KCP: variants seen among roughly 807,000 people sequenced by gnomAD.
KCP encodes kielin cysteine rich BMP regulator.
Under a neutral mutation model 212.7 loss-of-function variants are expected in KCP, and 194 were observed. That is an observed-to-expected ratio of 0.91 (90% CI 0.81 to 1.03). The LOEUF (loss-of-function observed/expected upper bound fraction) is 1.03, where lower values mean the gene tolerates loss of function less well. Among genes scored for constraint, KCP ranks in the 50% least tolerant of loss-of-function variants. KCP has a pLI of 0.00. For synonymous variants in KCP, 833 were observed against 865.3 expected (o/e 0.96, Z 0.65); for missense variants, 2,080 against 2,162.5 (o/e 0.96, Z 0.76).
intron 1 of KCP, among the ~76,000 whole-genome samples, chr7:128,910,278 C>T (rs1795362755): frequency 6.6e-6 from 1 of 152,234 alleles, no homozygotes. Flanking sequence ...GCAAAGTCAG[C>T]TTCCACAGCG....
Position 128,887,209 on chromosome 7 carries a change from C to T in KCP, c.2598+6G>A, listed in dbSNP as rs1793707992. ...GGTTACCAAGGTCCTAAAGGGGCTG[C>T]CTCACCTGGCAGGTGCAGAGGGAGC... On this transcript the variant is annotated splice_donor_region_variant and intron_variant, in intron 23 of 39. Coordinates refer to ENST00000610776, the MANE Select transcript of KCP (RefSeq NM_001366122.1). The T allele has an allele frequency of 1.3e-6, 2 of 1,551,130 alleles. No individual in the cohort carries two copies. The highest frequency in any genetic ancestry group is 1.2e-5 in the South Asian group (1 of 84,064).
At chr7:128,885,346 G>A in intron 26 of KCP, 76 bp from the exon 27 acceptor site, 1 of 1,434,944 alleles carries the variant, frequency 7.0e-7, no homozygotes, top group African/African-American at 1.4e-5. Flanking sequence ...ACCCTCAGTG[G>A]TCAGCTAGGC....
intron 8 of KCP, 28 bp downstream of exon 8, chr7:128,902,749 A>G (rs1397300912): frequency 1.3e-6 from 2 of 1,540,940 alleles, no homozygotes; most frequent in African/African-American, 2.7e-5. Flanking sequence ...AGGGAGGGGG[A>G]CAGACCAGGA....
In KCP at chr7:128,892,611, C is replaced by T. The variant is rs376310535; in HGVS notation, c.1528-4G>A. On this transcript the variant is annotated splice_region_variant and splice_polypyrimidine_tract_variant and intron_variant, in intron 15 of 39. Coordinates refer to ENST00000610776, the MANE Select transcript of KCP (RefSeq NM_001366122.1). Reference sequence around the variant, plus strand: ...AGGAGCATGTCACAGTTCCATCCTGCGAGAGAGCAGGGGAGAGAGCAATCG... The same window carrying T: ...AGGAGCATGTCACAGTTCCATCCTGTGAGAGAGCAGGGGAGAGAGCAATCG... 679 of 1,550,802 alleles carry T rather than the reference C, an allele frequency of 4.4e-4. 2 individuals carry two copies. In the African/African-American group the frequency reaches 8.3e-3, roughly 19 times the overall value.
rs1794929553 is a variant in KCP at position 128,902,807 on chromosome 7, A to G, written c.801T>C (p.Pro267=). Residue 267 remains proline (P), a synonymous_variant, in exon 8 of 40, where the codon CCT becomes CCC. Coordinates refer to ENST00000610776, the MANE Select transcript of KCP (RefSeq NM_001366122.1). ...HWEHGQEWTT[P]GDPCRICRCL... The stretch of plus-strand genomic sequence containing the variant: ...ACCGGCAGATTCGGCAGGGGTCCCC[A>G]GGTGTTGTCCACTCTTGGCCATGTT... The G allele has an allele frequency of 6.4e-7, 1 of 1,551,538 alleles. No homozygotes were observed. Among genetic ancestry groups the G allele is most frequent in the Non-Finnish European group, 8.7e-7 (1 of 1,147,006 alleles).
intron 21 of KCP, among the ~76,000 whole-genome samples, chr7:128,889,772 C>T (rs1254316284): frequency 6.6e-6 from 1 of 152,096 alleles, no homozygotes; most frequent in East Asian, 1.9e-4. Flanking sequence ...TGGCCAAGAT[C>T]GCACAAGAGT....
chr7:128,892,559 C>A lies in KCP; in HGVS notation c.1576G>T (p.Ala526Ser), dbSNP rs1370115295. The A allele has an allele frequency of 1.2e-5, 19 of 1,549,430 alleles. No individual in the cohort carries two copies. The East Asian group carries it at 4.6e-4, about 38-fold the overall frequency. Residue 526 changes from alanine to serine, a missense_variant, in exon 16 of 40, where the codon GCC (alanine) becomes TCC (serine). By Grantham distance (99) the Ala-to-Ser change is moderately conservative. Coordinates refer to ENST00000610776, the MANE Select transcript of KCP (RefSeq NM_001366122.1). Reference sequence around the variant, plus strand: ...TGGCCTGGTCCACTCTGGGGCCTGGCACAGGTCGTGGGAGGGCAGTCAACC... The same window carrying A: ...TGGCCTGGTCCACTCTGGGGCCTGGAACAGGTCGTGGGAGGGCAGTCAACC... ...SLVDCPPTTC[A>S]RPQSGPGQCC...
At chr7:128,884,240 G>A in intron 28 of KCP, 118 bp from the exon 29 acceptor site, 1 of 1,294,256 alleles carries the variant, frequency 7.7e-7, no homozygotes, top group South Asian at 1.4e-5. Context: ...CATGTCTTGG[G>A]CCCTGAACTC....
rs752127313 is a variant in KCP, at chr7:128,904,257, G to GCAGGGCAGGA, written c.572-129_572-120dup. On this transcript the variant is annotated intron_variant, in intron 5 of 39. Coordinates refer to ENST00000610776, the MANE Select transcript of KCP (RefSeq NM_001366122.1). ...CCCTTGGGGTTGAAGGGATGGCGGGGCAGGGCAGGACAGGGCAGGAGGTCA... is the reference window on the plus strand; with the variant it reads ...CCCTTGGGGTTGAAGGGATGGCGGGGCAGGGCAGGACAGGGCAGGACAGGGCAGGAGGTCA... 1.0e-5 allele frequency: 16 copies of GCAGGGCAGGA among 1,544,840 alleles called. No individual in the cohort carries two copies. The East Asian group carries it at 1.2e-4, about 12-fold the overall frequency.
chr7:128,899,817 C>A (rs1794731723), intron 8 of KCP, among the ~76,000 whole-genome samples: 1 of 130,608 alleles, frequency 7.7e-6, no homozygotes, highest in Non-Finnish European at 1.5e-5. Context: ...AAGGCTTCGA[C>A]TGGAATGGCA....
At position 128,893,335 on chromosome 7, in the gene KCP, G is replaced by A; in HGVS notation, c.1186-16C>T. 6.4e-7 allele frequency: 1 copy of A among 1,551,562 alleles called. No individual in the cohort carries two copies. The highest frequency in any genetic ancestry group is 8.7e-7 in the Non-Finnish European group (1 of 1,146,890). On this transcript the variant is annotated splice_polypyrimidine_tract_variant and intron_variant, in intron 12 of 39. Transcript: ENST00000610776. ...CCTCGCCAGCCTAGGAGGGAAGCAGGTGAGACACCCTGAAGGAATGAGGCA... is the reference window on the plus strand; with the variant it reads ...CCTCGCCAGCCTAGGAGGGAAGCAGATGAGACACCCTGAAGGAATGAGGCA...
At chr7:128,881,557 G>A in intron 31 of KCP, 69 bp downstream of exon 31, 1 of 1,164,258 alleles carries the variant, frequency 8.6e-7, no homozygotes, top group South Asian at 1.8e-5. Flanking sequence ...CTTGGCCCAT[G>A]AATGCCTCCC....
intron 13 of KCP, 98 bp downstream of exon 13, chr7:128,893,140 C>T: frequency 7.8e-7 from 1 of 1,279,886 alleles, no homozygotes; most frequent in Non-Finnish European, 1.1e-6. Context: ...GGCTAGTGGA[C>T]TTAGCAACCC....
At chr7:128,878,475 C>T in intron 38 of KCP, 83 bp downstream of exon 38, 1 of 1,421,064 alleles carries the variant, frequency 7.0e-7, no homozygotes. Context: ...CCCTTCCCTG[C>T]TTTCCATGCC....
At chr7:128,887,617 CCACA>C (rs1036098438) in intron 22 of KCP, among the ~76,000 whole-genome samples, 2 of 147,772 alleles carry the variant, frequency 1.4e-5, no homozygotes, top group African/African-American at 5.0e-5. Context: ...CTACACCCCC[CCACA>C]CACAGCCACA....
intron 6 of KCP, 99 bp from the exon 7 acceptor site, chr7:128,903,919 G>A (rs2128950125): frequency 1.5e-6 from 2 of 1,368,666 alleles, no homozygotes; most frequent in Non-Finnish European, 2.0e-6. Flanking sequence ...GCACAGGGCA[G>A]GGATGGAGGG....
chr7:128,908,240 GAAGA>G (rs139059512), intron 2 of KCP, among the ~76,000 whole-genome samples, 182 bp downstream of exon 2: 885 of 70,812 alleles, frequency 0.012, 33 homozygotes, highest in Non-Finnish European at 0.019. Context: ...AAGAAGAAAG[GAAGA>G]AAGAAAGAAG....
intron 16 of KCP, 32 bp from the exon 17 acceptor site, chr7:128,891,851 G>A: frequency 7.1e-7 from 1 of 1,413,870 alleles, no homozygotes; most frequent in South Asian, 1.6e-5. Flanking sequence ...CAGGTATGAG[G>A]GCAAAGCCTG....
chr7:128,897,424 G>A (rs568599225), intron 8 of KCP, among the ~76,000 whole-genome samples: 12 of 152,360 alleles, frequency 7.9e-5, no homozygotes, highest in African/African-American at 2.9e-4. Flanking sequence ...TCACAACTTA[G>A]AGGATGAGTC....
Sources: allele counts gnomAD v4.1 joint callset (sites outside exome capture counted in the v4.1 genomes callset), GRCh38; gene constraint gnomAD v4.1.1; transcripts MANE v1.5; gene names NCBI Gene and HGNC (gene_info 2026-07-23, HGNC 2026-07-21).